Variants in COL3A1 observed in about 807,000 individuals in gnomAD.
COL3A1 encodes collagen alpha-1(III) chain.
In COL3A1, 46 loss-of-function variants were observed where a neutral mutation model predicts 200.9. The observed-to-expected ratio is 0.23, with a 90% confidence interval of 0.18 to 0.29. COL3A1 has a LOEUF of 0.29. COL3A1 is among the 10% of genes least tolerant of loss of function. The pLI is 1.00. For missense variants in COL3A1, 1,367 were observed against 1,917.6 expected, an observed-to-expected ratio of 0.71 and a Z score of 5.36; for synonymous variants, 650 against 628.0, an observed-to-expected ratio of 1.03 and a Z score of -0.52.
At chr2:188,984,178 G>A (rs998076968) in intron 1 of COL3A1, among the ~76,000 whole-genome samples, 16 of 151,900 alleles carry the variant, frequency 1.1e-4, no homozygotes, top group Admixed American at 9.2e-4. Flanking sequence ...GTCATATCAT[G>A]TTGAGCTACT....
In COL3A1 at chr2:188,994,396, T is replaced by G; in HGVS notation, c.1293+64T>G. The stretch of plus-strand genomic sequence containing the variant: ...TAGTTTAATTCCATCAACAAAAAAT[T>G]AATAGCAAAATTTTGCTCCTGTTCA... On this transcript the variant is annotated intron_variant, in intron 18 of 50. Coordinates refer to ENST00000304636, the MANE Select transcript of COL3A1 (RefSeq NM_000090.4). This position sits in a 1 kb window ranked among gnomAD's most constrained non-coding sequence, Gnocchi z 4.5. The G allele has an allele frequency of 1.2e-6, 2 of 1,602,436 alleles. No homozygotes were observed. Among genetic ancestry groups the G allele is most frequent in the Non-Finnish European group, 1.7e-6 (2 of 1,170,472 alleles).
chr2:189,007,085 A>T, intron 44 of COL3A1, 95 bp downstream of exon 44: 1 of 514,086 alleles, frequency 1.9e-6, no homozygotes. Context: ...CGTGTTCAGG[A>T]AAAAAGAATG....
At chr2:188,988,458 G>A (rs1378083220) in intron 6 of COL3A1, 132 bp from the exon 7 acceptor site, 2 of 689,442 alleles carry the variant, frequency 2.9e-6, no homozygotes, top group Non-Finnish European at 5.1e-6. Context: ...AAAATAATTT[G>A]GTCTCAATAT....
chr2:189,007,444 T>TAA, intron 44 of COL3A1, 56 bp from the exon 45 acceptor site: 1 of 1,313,624 alleles, frequency 7.6e-7, no homozygotes, highest in Non-Finnish European at 1.1e-6. Context: ...AATTCTATTT[T>TAA]ATTTTTCCAA....
At position 188,998,546 on chromosome 2, in the gene COL3A1, A is replaced by G. The variant is rs551823199; in HGVS notation, c.1978-128A>G. The G allele has an allele frequency of 1.5e-5, 16 of 1,056,192 alleles. No homozygotes were observed. In the East Asian group the frequency reaches 3.9e-4, roughly 26 times the overall value. 65.4% of individuals were successfully genotyped at this position (1,056,192 alleles called of 1,614,324 possible). A position where few individuals can be genotyped will look rare whatever the true frequency, so the allele number is the denominator to read the frequency against. Reference sequence around the variant, plus strand: ...ATAGTTTCAAGATTTGAAAAATTATACAGTATGCCAACATGACAAATGTGT... The same window carrying G: ...ATAGTTTCAAGATTTGAAAAATTATGCAGTATGCCAACATGACAAATGTGT... On this transcript the variant is annotated intron_variant, in intron 28 of 50. Transcript: ENST00000304636.
At position 189,008,031 on chromosome 2, in the gene COL3A1, T is replaced by G; in HGVS notation, c.3418-4T>G. 1 of 1,614,124 alleles carries G rather than the reference T, an allele frequency of 6.2e-7. No individual in the cohort carries two copies. The highest frequency in any genetic ancestry group is 1.1e-5 in the South Asian group (1 of 91,078). On this transcript the variant is annotated splice_region_variant and splice_polypyrimidine_tract_variant and intron_variant, in intron 46 of 50. Coordinates refer to ENST00000304636, the MANE Select transcript of COL3A1 (RefSeq NM_000090.4). ...GGCATTGTGATGTCATGATACTTTC[T>G]TAGGGACCTGTTGGACCCAGTGGAC...
chr2:189,004,424 T>A, intron 40 of COL3A1, 60 bp downstream of exon 40: 1 of 1,456,430 alleles, frequency 6.9e-7, no homozygotes, highest in Non-Finnish European at 9.4e-7. Context: ...AGAGATCACT[T>A]AACCATATCA....
Position 188,994,106 on chromosome 2 carries a change from C to G in COL3A1, c.1194+24C>G, listed in dbSNP as rs1688245787. The G allele has an allele frequency of 4.3e-6, 7 of 1,614,026 alleles. No homozygotes were observed. Among genetic ancestry groups the G allele is most frequent in the Non-Finnish European group, 5.9e-6 (7 of 1,179,878 alleles). Reference sequence around the variant, plus strand: ...TGGTAAGCTGTCCCCACTCCTCAGCCTTATCTCATCCACACATTACTGGCT... The same window carrying G: ...TGGTAAGCTGTCCCCACTCCTCAGCGTTATCTCATCCACACATTACTGGCT... On this transcript the variant is annotated intron_variant, in intron 17 of 50. Transcript: ENST00000304636. This position sits in a 1 kb window ranked among gnomAD's most constrained non-coding sequence, Gnocchi z 4.5.
At chr2:188,998,931 A>G (rs1343636075) in intron 29 of COL3A1, among the ~76,000 whole-genome samples, 1 of 152,230 alleles carries the variant, frequency 6.6e-6, no homozygotes, top group African/African-American at 2.4e-5. Context: ...CATAATCACT[A>G]CAGAATCAAA....
At chr2:188,997,240 A>G (rs1688347892) in intron 25 of COL3A1, 22 bp downstream of exon 25, 2 of 1,613,796 alleles carry the variant, frequency 1.2e-6, no homozygotes, top group East Asian at 2.2e-5. Flanking sequence ...TCCTCAATTT[A>G]TTTCTAGCCT....
At chr2:189,004,391 T>A (rs773814498) in intron 40 of COL3A1, 27 bp downstream of exon 40, 4 of 1,555,760 alleles carry the variant, frequency 2.6e-6, no homozygotes. Flanking sequence ...TCCACTACAC[T>A]CTTCCTTCCT....
At position 189,006,325 on chromosome 2, in the gene COL3A1, A is replaced by G; in HGVS notation, c.3094-20A>G. ...TAAGTGATCATCATGTTTATTTTGT[A>G]CCTATGAATTTGTTCACAGGGTGAT... On this transcript the variant is annotated intron_variant, in intron 42 of 50. Transcript: ENST00000304636. 1.2e-6 allele frequency: 2 copies of G among 1,613,790 alleles called. No individual in the cohort carries two copies. The highest frequency in any genetic ancestry group is 1.1e-5 in the South Asian group (1 of 91,074).
chr2:189,007,776 G>GA, intron 45 of COL3A1, 109 bp from the exon 46 acceptor site: 11 of 1,436,996 alleles, frequency 7.7e-6, no homozygotes, highest in Non-Finnish European at 1.1e-5. Context: ...ATTAAAGAAA[G>GA]AAAAAAAATT....
At chr2:188,976,826 T>TC (rs1687829006) in intron 1 of COL3A1, among the ~76,000 whole-genome samples, 1 of 152,202 alleles carries the variant, frequency 6.6e-6, no homozygotes, top group Non-Finnish European at 1.5e-5. Context: ...CTGTAGATTA[T>TC]AAACATGCCA....
At chr2:189,009,886 C>A (rs908038809) in intron 48 of COL3A1, among the ~76,000 whole-genome samples, 3 of 152,202 alleles carry the variant, frequency 2.0e-5, no homozygotes, top group East Asian at 1.9e-4. Context: ...TAATAATCAT[C>A]TTTTTTTAAA....
chr2:188,992,998 T>G (rs1419876362), intron 15 of COL3A1, 58 bp downstream of exon 15: 1 of 1,509,304 alleles, frequency 6.6e-7, no homozygotes, highest in African/African-American at 1.4e-5. Context: ...GAGAAAAGCA[T>G]TAGATTGCTT....
At position 188,982,870 on chromosome 2, in the gene COL3A1, G is replaced by A. The variant is rs1687983303; in HGVS notation, c.80-1890G>A. On this transcript the variant is annotated intron_variant, in intron 1 of 50. Transcript: ENST00000304636. ...ACAATCTTCCAAACCCAAATTTTCG[G>A]ACCTTTTCTGCAGACTGGTGAACTT... is the stretch of plus-strand genomic sequence containing the variant. Among the ~76,000 whole-genome samples the A allele has an allele frequency of 2.0e-5, 3 of 151,804 alleles. No individual in the cohort carries two copies. The South Asian group carries it at 6.2e-4, about 32-fold the overall frequency.
At chr2:188,993,665 T>C (rs1484077548) in intron 16 of COL3A1, among the ~76,000 whole-genome samples, 10 of 152,206 alleles carry the variant, frequency 6.6e-5, no homozygotes, top group Non-Finnish European at 5.9e-5. Context: ...TTTTTGACTG[T>C]TGCACTATTC....
At chr2:189,010,123 T>G in intron 48 of COL3A1, 55 bp from the exon 49 acceptor site, 1 of 1,569,042 alleles carries the variant, frequency 6.4e-7, no homozygotes, top group Non-Finnish European at 8.8e-7. Context: ...ACAAACAAAA[T>G]CACTTTATTA....
Sources: gnomAD v4.1 joint callset for allele counts (sites outside exome capture counted in the v4.1 genomes callset) on GRCh38, gnomAD v4.1.1 for gene constraint, Gnocchi (gnomAD v3.1) non-coding constraint, MANE v1.5 for transcripts, NCBI Gene and HGNC (gene_info 2026-07-23, HGNC 2026-07-21) for gene names.